Variants in LMO1 observed in about 807,000 individuals in gnomAD.
The protein encoded by LMO1 is rhombotin-1.
Under a neutral mutation model 18.0 loss-of-function variants are expected in LMO1, and 10 were observed. That is an observed-to-expected ratio of 0.55 (90% CI 0.34 to 0.94). LMO1 has a LOEUF of 0.94. LMO1 is among the 40% of genes least tolerant of loss of function. The probability of loss-of-function intolerance (pLI) is 0.02; values close to 1 mark genes in which losing one functional copy is unlikely to be tolerated. For synonymous variants in LMO1, 77 were observed against 77.9 expected (o/e 0.99, Z 0.06); for missense variants, 183 against 205.7 (o/e 0.89, Z 0.68).
intron 1 of LMO1, among the ~76,000 whole-genome samples, chr11:8,243,080 A>T (rs1180209865): frequency 3.9e-5 from 6 of 152,082 alleles, no homozygotes; most frequent in Non-Finnish European, 7.4e-5. Context: ...AAGAGGGAGA[A>T]TCCAGGCCCC....
At chr11:8,251,536 C>A (rs376788396) in intron 1 of LMO1, among the ~76,000 whole-genome samples, 4 of 152,308 alleles carry the variant, frequency 2.6e-5, no homozygotes, top group Non-Finnish European at 5.9e-5. Context: ...ATCATCCCTG[C>A]GGACTGAGAA....
intron 1 of LMO1, among the ~76,000 whole-genome samples, chr11:8,236,683 T>C (rs1351646521): frequency 6.6e-6 from 1 of 152,018 alleles, no homozygotes; most frequent in East Asian, 1.9e-4. Flanking sequence ...ACACAGATAC[T>C]TCCCCACGTC....
chr11:8,260,145 C>T (rs746759186), intron 1 of LMO1, among the ~76,000 whole-genome samples: 1 of 152,208 alleles, frequency 6.6e-6, no homozygotes, highest in Non-Finnish European at 1.5e-5. Context: ...TTCTTGGGCC[C>T]TCTCAGACTC....
At chr11:8,242,205 A>G (rs1846806883) in intron 1 of LMO1, among the ~76,000 whole-genome samples, 1 of 152,196 alleles carries the variant, frequency 6.6e-6, no homozygotes, top group African/African-American at 2.4e-5. Flanking sequence ...CTGAGGAACA[A>G]CAGCTCTCAT....
chr11:8,242,034 TAG>T (rs1183219523), intron 1 of LMO1, among the ~76,000 whole-genome samples: 2 of 151,708 alleles, frequency 1.3e-5, no homozygotes, highest in African/African-American at 4.9e-5. Flanking sequence ...GCAGGGCCCC[TAG>T]AGATGGAGCC....
At chr11:8,250,645 G>T (rs1364934095) in intron 1 of LMO1, among the ~76,000 whole-genome samples, 2 of 152,252 alleles carry the variant, frequency 1.3e-5, no homozygotes, top group Non-Finnish European at 2.9e-5. Flanking sequence ...AACAGCTTCT[G>T]GCTCGGGGGA....
chr11:8,241,576 C>A (rs1846793665), intron 1 of LMO1, among the ~76,000 whole-genome samples: 1 of 152,230 alleles, frequency 6.6e-6, no homozygotes, highest in South Asian at 2.1e-4. Context: ...TTTGCACATG[C>A]TATTACCTTC....
At chr11:8,268,707 C>G (rs1192210763), upstream of LMO1, 1 of 251,000 alleles carries the variant, frequency 4.0e-6, no homozygotes, top group African/African-American at 2.3e-5. Flanking sequence ...CGAGCAGCAG[C>G]TGCCCGGGCC....
chr11:8,251,022 G>A (rs930756575), intron 1 of LMO1, among the ~76,000 whole-genome samples: 1 of 152,138 alleles, frequency 6.6e-6, no homozygotes, highest in African/African-American at 2.4e-5. Context: ...AGGGCTAAGG[G>A]CAACAGATGC....
At chr11:8,224,817 T>A in intron 3 of LMO1, 96 bp from the exon 4 acceptor site, 1 of 732,230 alleles carries the variant, frequency 1.4e-6, no homozygotes, top group Non-Finnish European at 2.4e-6. Context: ...TGAGGTGAGC[T>A]ATGTGGGAGG....
chr11:8,237,124 C>T (rs1952774042), intron 1 of LMO1, among the ~76,000 whole-genome samples: 1 of 151,708 alleles, frequency 6.6e-6, no homozygotes, highest in African/African-American at 2.4e-5. Context: ...AAGTTGATCC[C>T]ACAATCCTTA....
At chr11:8,247,931 C>T (rs1300579895) in intron 1 of LMO1, among the ~76,000 whole-genome samples, 3 of 152,240 alleles carry the variant, frequency 2.0e-5, no homozygotes, top group Non-Finnish European at 4.4e-5. Flanking sequence ...CTCACCAACA[C>T]CTCCTCGGGT....
At chr11:8,251,007 T>C (rs1846982413) in intron 1 of LMO1, among the ~76,000 whole-genome samples, 1 of 151,980 alleles carries the variant, frequency 6.6e-6, no homozygotes, top group Non-Finnish European at 1.5e-5. Context: ...CAAGACCAAG[T>C]GTGGAGGGCT....
intron 2 of LMO1, among the ~76,000 whole-genome samples, chr11:8,228,541 C>T (rs945081648): frequency 3.9e-5 from 6 of 152,052 alleles, no homozygotes; most frequent in African/African-American, 7.2e-5. Flanking sequence ...CTGCAGAGGG[C>T]GCAGGCTCTG....
intron 1 of LMO1, among the ~76,000 whole-genome samples, chr11:8,253,571 A>G (rs1368864957): frequency 6.6e-6 from 1 of 152,136 alleles, no homozygotes; most frequent in African/African-American, 2.4e-5. Context: ...GAACATTCTG[A>G]TGGCACCCGC....
chr11:8,248,561 C>T (rs1398597407), intron 1 of LMO1, among the ~76,000 whole-genome samples: 7 of 152,262 alleles, frequency 4.6e-5, no homozygotes, highest in South Asian at 4.1e-4. Flanking sequence ...GCTCTGCAGC[C>T]TCAGACAAGT....
upstream of LMO1, among the ~76,000 whole-genome samples, chr11:8,268,153 G>C (rs1052497048): frequency 2.0e-5 from 3 of 152,266 alleles, no homozygotes; most frequent in African/African-American, 7.2e-5. Context: ...TTCCCAGCCG[G>C]AGCGCGCAGG....
At chr11:8,233,811 G>A (rs1313113027) in intron 1 of LMO1, among the ~76,000 whole-genome samples, 1 of 151,878 alleles carries the variant, frequency 6.6e-6, no homozygotes, top group Non-Finnish European at 1.5e-5. Flanking sequence ...TTCCATTAAG[G>A]AGATAGCATC....
At position 8,240,994 on chromosome 11, in the gene LMO1, G is replaced by A. The variant is rs140487091; in HGVS notation, c.26-10490C>T. On this transcript the variant is annotated intron_variant, in intron 1 of 3. Transcript: ENST00000335790. The stretch of plus-strand genomic sequence containing the variant: ...GTTTGTCACTTGGAATGAGGCTTAC[G>A]TTAATTGCATAGTTATCTGTAATGT... 2.0e-3 allele frequency among the ~76,000 whole-genome samples: 311 copies of A among 152,278 alleles called. 3 individuals are homozygous for A. The highest frequency in any genetic ancestry group is 7.0e-3 in the African/African-American group (290 of 41,536).
Sources: allele counts gnomAD v4.1 joint callset (sites outside exome capture counted in the v4.1 genomes callset), GRCh38; gene constraint gnomAD v4.1.1; transcripts MANE v1.5; gene names NCBI Gene and HGNC (gene_info 2026-07-23, HGNC 2026-07-21).